The following GADL1 variants were observed in gnomAD, a reference collection of about 807,000 sequenced individuals.
GADL1 encodes the protein GAD like acidic amino acid decarboxylase 1.
GADL1 carries 71 observed loss-of-function variants against 69.5 expected under a neutral mutation model. The ratio of observed to expected loss-of-function variants is 1.02; its 90% CI spans 0.84 to 1.25. The LOEUF is 1.25. Ranked by LOEUF, GADL1 falls within the 50% of genes most tolerant of loss-of-function variation. The probability of loss-of-function intolerance (pLI) is 0.00; values close to 1 mark genes in which losing one functional copy is unlikely to be tolerated. For synonymous variants in GADL1, 254 were observed against 214.4 expected, an observed-to-expected ratio of 1.18 and a Z score of -1.62; for missense variants, 737 against 631.8, an observed-to-expected ratio of 1.17 and a Z score of -1.79.
intron 14 of GADL1, among the ~76,000 whole-genome samples, chr3:30,748,129 T>C (rs1370880091): frequency 6.6e-6 from 1 of 152,216 alleles, no homozygotes; most frequent in Non-Finnish European, 1.5e-5. Context: ...GATGACTTGG[T>C]GTTTTCTCAC....
chr3:30,821,618 T>C (rs1697582197), intron 11 of GADL1, among the ~76,000 whole-genome samples: 1 of 152,164 alleles, frequency 6.6e-6, no homozygotes, highest in South Asian at 2.1e-4. Context: ...CACACAAAGA[T>C]GTTAAGTCTT....
chr3:30,822,232 A>G (rs1445525688), intron 11 of GADL1, among the ~76,000 whole-genome samples: 1 of 152,054 alleles, frequency 6.6e-6, no homozygotes, highest in Non-Finnish European at 1.5e-5. Flanking sequence ...TTAGCTTCCC[A>G]TGTTTCTGGC....
intron 14 of GADL1, among the ~76,000 whole-genome samples, chr3:30,752,285 A>G (rs1695841344): frequency 6.6e-6 from 1 of 152,020 alleles, no homozygotes; most frequent in Non-Finnish European, 1.5e-5. Flanking sequence ...GGCACGAAAC[A>G]CAGCTTAACT....
At chr3:30,764,818 G>T (rs1696230879) in intron 14 of GADL1, among the ~76,000 whole-genome samples, 1 of 152,142 alleles carries the variant, frequency 6.6e-6, no homozygotes, top group African/African-American at 2.4e-5. Flanking sequence ...TCGGAATTAG[G>T]CAAGTGATAT....
At chr3:30,840,539 C>A (rs10510640) in intron 8 of GADL1, among the ~76,000 whole-genome samples, 21,718 of 152,148 alleles carry the variant, frequency 0.14, 1,728 homozygotes, top group South Asian at 0.23. Flanking sequence ...ACCTAAAGGA[C>A]ATAAGACCAG....
chr3:30,877,790 G>A (rs1461540444), intron 1 of GADL1, among the ~76,000 whole-genome samples: 1 of 151,796 alleles, frequency 6.6e-6, no homozygotes. Flanking sequence ...TCTGAAGTGT[G>A]GAAATTTAAG....
At chr3:30,827,767 TTCTC>T (rs900656858) in intron 11 of GADL1, among the ~76,000 whole-genome samples, 3 of 151,918 alleles carry the variant, frequency 2.0e-5, no homozygotes, top group African/African-American at 7.2e-5. Context: ...ATTGAATGAA[TTCTC>T]TCTGTTTGAT....
At chr3:30,841,268 G>A (rs556421052) in intron 8 of GADL1, among the ~76,000 whole-genome samples, 15 of 152,266 alleles carry the variant, frequency 9.9e-5, no homozygotes, top group Non-Finnish European at 8.8e-5. Context: ...CTGAGGAGAC[G>A]TACTAACTCT....
intron 11 of GADL1, among the ~76,000 whole-genome samples, chr3:30,817,494 C>T (rs1484358959): frequency 1.3e-5 from 2 of 152,242 alleles, no homozygotes; most frequent in African/African-American, 4.8e-5. Flanking sequence ...AGTGCAGGGG[C>T]CCTATATCTT....
chr3:30,728,120 T>G lies in GADL1; in HGVS notation c.*122A>C. 2.4e-6 allele frequency: 2 copies of G among 844,316 alleles called. No individual in the cohort carries two copies. The highest frequency in any genetic ancestry group is 3.8e-6 in the Non-Finnish European group (2 of 533,248). The allele number at this position is 844,316 out of a possible 1,614,324, so 52.3% of individuals were successfully genotyped here. On this transcript the variant is annotated 3_prime_UTR_variant, in exon 15 of 15. Coordinates refer to ENST00000282538, the MANE Select transcript of GADL1 (RefSeq NM_207359.3). ...CTTAGCATTTTGGTTTTGCTGGGCC[T>G]GGACTGGGAGTATTCCCTATTTCTC...
At chr3:30,807,445 A>G (rs1342095500) in intron 11 of GADL1, among the ~76,000 whole-genome samples, 1 of 152,242 alleles carries the variant, frequency 6.6e-6, no homozygotes, top group Non-Finnish European at 1.5e-5. Context: ...AATGCTCTAC[A>G]TCCTTCAAAT....
At chr3:30,772,491 C>T (rs1214387062) in intron 14 of GADL1, among the ~76,000 whole-genome samples, 1 of 152,138 alleles carries the variant, frequency 6.6e-6, no homozygotes, top group African/African-American at 2.4e-5. Flanking sequence ...GCATTCTATC[C>T]TCAACTTTCT....
intron 6 of GADL1, among the ~76,000 whole-genome samples, chr3:30,846,505 C>T (rs2125529932): frequency 6.6e-6 from 1 of 151,818 alleles, no homozygotes; most frequent in African/African-American, 2.4e-5. Context: ...ACCTGGACTC[C>T]AGTGCTGACT....
chr3:30,817,057 A>G (rs1418395257), intron 11 of GADL1, among the ~76,000 whole-genome samples: 1 of 152,054 alleles, frequency 6.6e-6, no homozygotes, highest in Non-Finnish European at 1.5e-5. Flanking sequence ...AACCGTAGAC[A>G]TTTTCTTTCT....
intron 12 of GADL1, among the ~76,000 whole-genome samples, chr3:30,797,210 C>G (rs1697051409): frequency 6.6e-6 from 1 of 152,132 alleles, no homozygotes; most frequent in African/African-American, 2.4e-5. Flanking sequence ...CGAGTAGACT[C>G]AAACACCCCA....
intron 12 of GADL1, among the ~76,000 whole-genome samples, chr3:30,786,988 C>CTG (rs1456319142): frequency 5.3e-5 from 8 of 152,008 alleles, no homozygotes; most frequent in Non-Finnish European, 8.8e-5. Flanking sequence ...TAAGTGGGAG[C>CTG]TGAACAGTGA....
chr3:30,752,643 G>A (rs1289626847), intron 14 of GADL1, among the ~76,000 whole-genome samples: 5 of 152,068 alleles, frequency 3.3e-5, no homozygotes, highest in African/African-American at 2.4e-5. Context: ...ACAAGAAAAC[G>A]TCCACTGGAG....
At chr3:30,756,730 C>T (rs1487873287) in intron 14 of GADL1, among the ~76,000 whole-genome samples, 3 of 152,160 alleles carry the variant, frequency 2.0e-5, no homozygotes, top group Non-Finnish European at 4.4e-5. Flanking sequence ...CCAGATGAGG[C>T]CATCCTTGTC....
chr3:30,800,806 GACACACACACACAC>G (rs35529398), intron 12 of GADL1, 69 bp downstream of exon 12: 37,564 of 726,794 alleles, frequency 0.052, 786 homozygotes, highest in South Asian at 0.19. Flanking sequence ...GACACAGATA[GACACACACACACAC>G]ACACACACAC....
Sources: gnomAD v4.1 joint callset for allele counts (sites outside exome capture counted in the v4.1 genomes callset) on GRCh38, gnomAD v4.1.1 for gene constraint, MANE v1.5 for transcripts, NCBI Gene and HGNC (gene_info 2026-07-23, HGNC 2026-07-21) for gene names.